The following TPD52 variants were observed in gnomAD, a reference collection of about 807,000 sequenced individuals.
The protein encoded by TPD52 is prostate and colon associated protein.
A neutral mutation model predicts 31.3 loss-of-function variants in TPD52; 17 were observed. The observed-to-expected ratio is 0.54, with a 90% confidence interval of 0.37 to 0.82. The LOEUF (loss-of-function observed/expected upper bound fraction) is 0.82. Ranked by LOEUF, TPD52 falls within the 40% of genes least tolerant of loss-of-function variation. The pLI is 0.00. For missense variants in TPD52, 212 were observed against 240.1 expected (o/e 0.88, Z 0.77); for synonymous variants, 83 against 89.6 (o/e 0.93, Z 0.42).
At chr8:80,113,360 G>A (rs561968905) in intron 1 of TPD52, among the ~76,000 whole-genome samples, 2 of 150,974 alleles carry the variant, frequency 1.3e-5, no homozygotes, top group South Asian at 4.2e-4. Flanking sequence ...CAGTAACTAT[G>A]GAAAACAGTG....
At chr8:80,066,119 A>C (rs138074214) in intron 1 of TPD52, among the ~76,000 whole-genome samples, 151 of 152,284 alleles carry the variant, frequency 9.9e-4, no homozygotes, top group African/African-American at 3.6e-3. Context: ...GCCAGGGAGC[A>C]GACACAGAAG....
intron 1 of TPD52, among the ~76,000 whole-genome samples, chr8:80,072,815 A>ATATATATATATATATATATATATAT (rs1586229273): frequency 6.6e-6 from 1 of 151,138 alleles, no homozygotes; most frequent in African/African-American, 2.5e-5. Context: ...ATATATATAT[A>ATATATATATATATATATATATATAT]AACTTGGCCA....
intron 1 of TPD52, among the ~76,000 whole-genome samples, chr8:80,133,324 C>T (rs1161788689): frequency 1.3e-5 from 2 of 152,140 alleles, no homozygotes; most frequent in African/African-American, 2.4e-5. Flanking sequence ...CTGTGATTGA[C>T]CCTCTGAGAG....
chr8:80,154,416 C>G (rs529677264), intron 1 of TPD52, among the ~76,000 whole-genome samples: 1 of 152,346 alleles, frequency 6.6e-6, no homozygotes, highest in Admixed American at 6.5e-5. Context: ...GACAATACTA[C>G]AGAGGTCTAT....
intron 1 of TPD52, among the ~76,000 whole-genome samples, chr8:80,131,495 C>G (rs551373763): frequency 6.6e-6 from 1 of 152,164 alleles, no homozygotes; most frequent in Non-Finnish European, 1.5e-5. Context: ...GTCTTCCAAT[C>G]CCTCCACTCT....
intron 1 of TPD52, among the ~76,000 whole-genome samples, chr8:80,097,095 G>C (rs1806389857): frequency 6.6e-6 from 1 of 151,836 alleles, no homozygotes; most frequent in Non-Finnish European, 1.5e-5. Flanking sequence ...CCTTATTGCT[G>C]ATATGGACAA....
chr8:80,050,187 A>G (rs1377614837), intron 5 of TPD52, among the ~76,000 whole-genome samples: 1 of 152,214 alleles, frequency 6.6e-6, no homozygotes, highest in Non-Finnish European at 1.5e-5. Flanking sequence ...CAAAGAAAAA[A>G]GTAAAAAAGA....
At chr8:80,147,510 A>C (rs2131176715) in intron 1 of TPD52, among the ~76,000 whole-genome samples, 1 of 152,320 alleles carries the variant, frequency 6.6e-6, no homozygotes, top group Middle Eastern at 3.4e-3. Flanking sequence ...ACAGCTAGCT[A>C]CCAAAGGATG....
At chr8:80,105,744 T>C (rs1807062428) in intron 1 of TPD52, among the ~76,000 whole-genome samples, 1 of 150,350 alleles carries the variant, frequency 6.7e-6, no homozygotes, top group South Asian at 2.1e-4. Context: ...TTTTTTTTTT[T>C]TTTTTGAGAT....
chr8:80,167,079 G>A (rs1811764814), intron 1 of TPD52, among the ~76,000 whole-genome samples: 2 of 151,936 alleles, frequency 1.3e-5, no homozygotes, highest in South Asian at 4.2e-4. Flanking sequence ...GTTCCAAAAG[G>A]CATTTTTACA....
At chr8:80,089,709 G>A (rs192023033) in intron 1 of TPD52, among the ~76,000 whole-genome samples, 1 of 152,300 alleles carries the variant, frequency 6.6e-6, no homozygotes, top group Non-Finnish European at 1.5e-5. Context: ...CTTACTATGT[G>A]CCAGACATTC....
At chr8:80,084,117 T>C (rs568837604) in intron 1 of TPD52, among the ~76,000 whole-genome samples, 3 of 152,318 alleles carry the variant, frequency 2.0e-5, no homozygotes, top group African/African-American at 4.8e-5. Context: ...ATTGTTACTA[T>C]GTTTTTCCTT....
At chr8:80,160,064 G>A (rs963619738) in intron 1 of TPD52, among the ~76,000 whole-genome samples, 4 of 152,058 alleles carry the variant, frequency 2.6e-5, no homozygotes, top group East Asian at 3.9e-4. Flanking sequence ...GGTGGTGTGC[G>A]CCTGTGGCCC....
chr8:80,113,646 G>A (rs1563635908), intron 1 of TPD52, among the ~76,000 whole-genome samples: 1 of 152,174 alleles, frequency 6.6e-6, no homozygotes, highest in Non-Finnish European at 1.5e-5. Flanking sequence ...GATGAGCCTG[G>A]AGGACATTAT....
chr8:80,066,713 C>T (rs1032781770), intron 1 of TPD52, among the ~76,000 whole-genome samples: 1 of 152,194 alleles, frequency 6.6e-6, no homozygotes, highest in Non-Finnish European at 1.5e-5. Context: ...TGCCAAACCA[C>T]ACCGTGAACA....
At chr8:80,082,803 A>G (rs988368371) in intron 1 of TPD52, among the ~76,000 whole-genome samples, 1 of 152,324 alleles carries the variant, frequency 6.6e-6, no homozygotes, top group Non-Finnish European at 1.5e-5. Flanking sequence ...CTCCTAATCA[A>G]TGTGGAATTA....
chr8:80,074,506 C>A (rs899402850), intron 1 of TPD52, among the ~76,000 whole-genome samples: 1 of 152,180 alleles, frequency 6.6e-6, no homozygotes, highest in Non-Finnish European at 1.5e-5. Flanking sequence ...TTCTCAGGCA[C>A]GGCACCACGG....
At chr8:80,080,222 A>G (rs1172597625) in intron 1 of TPD52, 5 of 1,155,974 alleles carry the variant, frequency 4.3e-6, no homozygotes, top group East Asian at 2.4e-5. Flanking sequence ...ACCCTGGTAC[A>G]TCTTTACACT....
chr8:80,069,423 C>T (rs1813517951), intron 1 of TPD52, among the ~76,000 whole-genome samples: 1 of 152,100 alleles, frequency 6.6e-6, no homozygotes, highest in Admixed American at 6.5e-5. Flanking sequence ...TGTGATCGTG[C>T]CACTGCACTC....
Sources: gnomAD v4.1 joint callset for allele counts (sites outside exome capture counted in the v4.1 genomes callset) on GRCh38, gnomAD v4.1.1 for gene constraint, MANE v1.5 for transcripts, NCBI Gene and HGNC (gene_info 2026-07-23, HGNC 2026-07-21) for gene names.